PIK3CD: variants seen among roughly 807,000 people sequenced by gnomAD.
The protein encoded by PIK3CD is phosphatidylinositol-4,5-bisphosphate 3-kinase catalytic subunit delta.
A neutral mutation model predicts 122.9 loss-of-function variants in PIK3CD; 20 were observed. The observed-to-expected ratio is 0.16, with a 90% CI of 0.11 to 0.24. The LOEUF (loss-of-function observed/expected upper bound fraction) is 0.24. Among genes scored for constraint, PIK3CD ranks in the 10% least tolerant of loss-of-function variants. The pLI, the probability that PIK3CD is intolerant of heterozygous loss-of-function variation, is 1.00. For synonymous variants in PIK3CD, 596 were observed against 593.4 expected (o/e 1.00, Z -0.06); for missense variants, 787 against 1,406.3 (o/e 0.56, Z 7.04).
intron 6 of PIK3CD, 84 bp downstream of exon 6, chr1:9,716,703 G>A: frequency 1.4e-6 from 2 of 1,425,264 alleles, no homozygotes; most frequent in Non-Finnish European, 1.9e-6. Flanking sequence ...TGACATTTGG[G>A]CGCACCTTGA....
At position 9,710,676 on chromosome 1, in the gene PIK3CD, G is replaced by A. The variant is rs983222258; in HGVS notation, c.141+80G>A. Reference sequence around the variant, plus strand: ...AGAGACACAGATAGACAGACAGACAGACAGACAGATGGACAGGTGGACAGA... The same window carrying A: ...AGAGACACAGATAGACAGACAGACAAACAGACAGATGGACAGGTGGACAGA... On this transcript the variant is annotated intron_variant, in intron 3 of 23. Coordinates refer to ENST00000377346, the MANE Select transcript of PIK3CD (RefSeq NM_005026.5). The surrounding 1 kb of genome is among the most constrained non-coding windows in gnomAD (Gnocchi z 4.7). 10 of 1,512,194 alleles carry A rather than the reference G, an allele frequency of 6.6e-6. No homozygotes were observed. The highest frequency in any genetic ancestry group is 8.3e-6 in the Non-Finnish European group (9 of 1,090,264). 93.7% of individuals were successfully genotyped at this position (1,512,194 alleles called of 1,614,324 possible).
chr1:9,725,869 C>A (rs936491545), intron 23 of PIK3CD, among the ~76,000 whole-genome samples: 4 of 151,706 alleles, frequency 2.6e-5, no homozygotes, highest in Non-Finnish European at 5.9e-5. Flanking sequence ...AAAGGCAAAA[C>A]TCCGTCTCAA....
Position 9,719,928 on chromosome 1 carries a change from C to T in PIK3CD, c.1250C>T (p.Pro417Leu). ...TGCCCTGTCCTTCTGCAGGACTGCC[C>T]CATTGCCTGGGCCAACCTCATGCTG... ...TKKKSKKADC[P>L]IAWANLMLFD... The change falls in exon 10 of 24, where the codon CCC becomes CTC. Residue 417 changes from proline (P) to leucine (L), a missense_variant. Transcript: ENST00000377346. This position sits in a 1 kb window ranked among gnomAD's most constrained non-coding sequence, Gnocchi z 5.5. 6.2e-7 allele frequency: 1 copy of T among 1,613,634 alleles called. No individual in the cohort carries two copies. Among genetic ancestry groups the T allele is most frequent in the Non-Finnish European group, 8.5e-7 (1 of 1,179,966 alleles).
chr1:9,716,642 C>T, intron 6 of PIK3CD, 23 bp downstream of exon 6: 1 of 1,548,490 alleles, frequency 6.5e-7, no homozygotes, highest in South Asian at 1.2e-5. Flanking sequence ...AGGCCCTCTG[C>T]ACTCTGGGCT....
At chr1:9,687,533 C>CTT (rs1646012472) in intron 1 of PIK3CD, 1 of 151,998 alleles carries the variant, frequency 6.6e-6, no homozygotes, top group Admixed American at 6.6e-5. Context: ...TGCTGCACCG[C>CTT]TCCCCTCCCT....
At chr1:9,708,624 G>C (rs1228096957) in intron 2 of PIK3CD, among the ~76,000 whole-genome samples, 1 of 151,852 alleles carries the variant, frequency 6.6e-6, no homozygotes, top group Non-Finnish European at 1.5e-5. Flanking sequence ...AAGGCAGGTG[G>C]ATCACTTGAG....
rs1649787112 is a variant in PIK3CD at position 9,727,166 on chromosome 1, TGCC to T, written c.*121_*123del. The T allele has an allele frequency of 8.7e-6, 10 of 1,149,864 alleles. No individual in the cohort carries two copies. The highest frequency in any genetic ancestry group is 9.0e-6 in the Non-Finnish European group (7 of 779,056). The allele number at this position is 1,149,864 out of a possible 1,614,324, so 71.2% of individuals were successfully genotyped here. On this transcript the variant is annotated 3_prime_UTR_variant, in exon 24 of 24. Coordinates refer to ENST00000377346, the MANE Select transcript of PIK3CD (RefSeq NM_005026.5). ...CCTAACGGGAAAGAACCGACATGGCTGCCTTTTGTTTACACTGGTTATTTATTT... is the reference window on the plus strand; with the variant it reads ...CCTAACGGGAAAGAACCGACATGGCTTTTTGTTTACACTGGTTATTTATTT...
At chr1:9,650,891 T>C (rs1644659104), upstream of PIK3CD, among the ~76,000 whole-genome samples, 1 of 152,226 alleles carries the variant, frequency 6.6e-6, no homozygotes, top group Non-Finnish European at 1.5e-5. Context: ...TTTCCCAGGC[T>C]GGAGTGCAGT....
the PIK3CD span, among the ~76,000 whole-genome samples, chr1:9,630,356 G>A: frequency 2.0e-5 from 3 of 152,354 alleles, no homozygotes; most frequent in East Asian, 5.8e-4. Flanking sequence ...GTGGACACTT[G>A]TCCTTTCTCT....
chr1:9,724,245 C>T lies in PIK3CD; in HGVS notation c.2719-31C>T, dbSNP rs760496595. The T allele has an allele frequency of 2.5e-6, 4 of 1,613,904 alleles. No individual in the cohort carries two copies. The highest frequency in any genetic ancestry group is 3.4e-6 in the Non-Finnish European group (4 of 1,179,988). ...GATTCTCTCCTGTCTGACACCTTCT[C>T]AATCCTCCCCCTCCTCTCCCCTCCC... On this transcript the variant is annotated intron_variant, in intron 21 of 23. Transcript: ENST00000377346. The surrounding 1 kb of genome is among the most constrained non-coding windows in gnomAD (Gnocchi z 7.3).
chr1:9,660,609 C>T (rs999633165), intron 1 of PIK3CD, among the ~76,000 whole-genome samples: 2 of 152,106 alleles, frequency 1.3e-5, no homozygotes, highest in Non-Finnish European at 2.9e-5. Flanking sequence ...ACCCTTCTTG[C>T]CCAGATCCAC....
At chr1:9,695,581 C>T (rs941625722) in intron 2 of PIK3CD, among the ~76,000 whole-genome samples, 13 of 152,204 alleles carry the variant, frequency 8.5e-5, no homozygotes, top group African/African-American at 3.1e-4. Flanking sequence ...CAATGGCTCA[C>T]ACCTGTAATC....
chr1:9,690,653 C>T (rs1426231533), intron 1 of PIK3CD, among the ~76,000 whole-genome samples: 2 of 152,192 alleles, frequency 1.3e-5, no homozygotes, highest in Non-Finnish European at 2.9e-5. Context: ...GGGATAGAGG[C>T]CGCAGGGAGG....
the PIK3CD span, among the ~76,000 whole-genome samples, chr1:9,644,929 G>A: frequency 1.1e-3 from 171 of 152,256 alleles, no homozygotes; most frequent in Admixed American, 0.011. Context: ...CTGGTCAGTG[G>A]AGAACAGGCT....
At chr1:9,681,896 G>A (rs1645767782) in intron 1 of PIK3CD, among the ~76,000 whole-genome samples, 1 of 152,124 alleles carries the variant, frequency 6.6e-6, no homozygotes, top group African/African-American at 2.4e-5. Flanking sequence ...GTCTCCCCGG[G>A]ACTTAGCTTT....
chr1:9,669,113 C>T (rs1645246797), intron 1 of PIK3CD, among the ~76,000 whole-genome samples: 1 of 152,148 alleles, frequency 6.6e-6, no homozygotes, highest in African/African-American at 2.4e-5. Flanking sequence ...GGCTTTGACT[C>T]CAGCTTGGGT....
Position 9,706,799 on chromosome 1 carries a change from G to T in PIK3CD, c.-32-3625G>T, listed in dbSNP as rs115802213. Among the ~76,000 whole-genome samples, 768 of 149,932 alleles carry T rather than the reference G, an allele frequency of 5.1e-3. 17 individuals carry two copies. Among genetic ancestry groups the T allele is most frequent in the East Asian group, 0.043 (222 of 5,104 alleles). ...CTTTTCACTGTTTTTGGCTTTTTTT[G>T]ATTTCTTTTTTTTTTACTTTTTTCT... is the stretch of plus-strand genomic sequence containing the variant. On this transcript the variant is annotated intron_variant, in intron 2 of 23. Transcript: ENST00000377346.
At chr1:9,687,938 G>A (rs939966225) in intron 1 of PIK3CD, among the ~76,000 whole-genome samples, 2 of 152,080 alleles carry the variant, frequency 1.3e-5, no homozygotes, top group African/African-American at 4.8e-5. Context: ...TGGGCATCCG[G>A]GACCCCTGGC....
the PIK3CD span, among the ~76,000 whole-genome samples, chr1:9,643,850 A>G: frequency 4.8e-4 from 73 of 152,318 alleles, 1 homozygote; most frequent in African/African-American, 9.6e-4. Flanking sequence ...AAGCTTCACT[A>G]TACTTTTCCT....
Sources: allele counts gnomAD v4.1 joint callset (sites outside exome capture counted in the v4.1 genomes callset), GRCh38; gene constraint gnomAD v4.1.1; non-coding constraint Gnocchi (gnomAD v3.1); transcripts MANE v1.5; gene names NCBI Gene and HGNC (gene_info 2026-07-23, HGNC 2026-07-21).